Variants in RUFY3 observed in about 807,000 individuals in gnomAD.
RUFY3 encodes the protein protein RUFY3.
A neutral mutation model predicts 84.0 loss-of-function variants in RUFY3; 34 were observed. The observed-to-expected ratio is 0.40, with a 90% confidence interval of 0.31 to 0.54. The LOEUF (loss-of-function observed/expected upper bound fraction) is 0.54. Among genes scored for constraint, RUFY3 ranks in the 20% least tolerant of loss-of-function variants. RUFY3 has a pLI of 0.39. For missense variants in RUFY3, 507 were observed against 736.8 expected (o/e 0.69, Z 3.61); for synonymous variants, 242 against 252.9 (o/e 0.96, Z 0.41).
chr4:70,768,476 C>G, intron 4 of RUFY3, 62 bp from the exon 5 acceptor site: 1 of 1,551,734 alleles, frequency 6.4e-7, no homozygotes, highest in Admixed American at 1.8e-5. Context: ...CCATTTTTGT[C>G]CTTGTCTCTG....
At chr4:70,746,376 G>A (rs1055690093) in intron 1 of RUFY3, among the ~76,000 whole-genome samples, 1 of 151,328 alleles carries the variant, frequency 6.6e-6, no homozygotes, top group African/African-American at 2.4e-5. Context: ...GCATGGTGGC[G>A]GGTGCCTGTA....
At chr4:70,762,759 A>C (rs972686989) in intron 2 of RUFY3, 67 bp downstream of exon 2, 1 of 1,343,108 alleles carries the variant, frequency 7.4e-7, no homozygotes, top group Non-Finnish European at 1.0e-6. Flanking sequence ...CTATAGAAGA[A>C]AGCATTCTTT....
rs114815841 is a variant in RUFY3 at position 70,768,866 on chromosome 4, C to T, written c.696+205C>T. On this transcript the variant is annotated intron_variant, in intron 5 of 17. Transcript: ENST00000381006. ...ATACGTTACGAATGTTTTTTAGATT[C>T]TTGTCTTGGCTGTACTCTCTGTTAA... Among the ~76,000 whole-genome samples, 1,238 of 152,102 alleles carry T rather than the reference C, an allele frequency of 8.1e-3. 16 individuals are homozygous for T. Among genetic ancestry groups the T allele is most frequent in the African/African-American group, 0.028 (1,178 of 41,498 alleles).
intron 1 of RUFY3, among the ~76,000 whole-genome samples, chr4:70,737,867 T>A (rs967781495): frequency 6.6e-6 from 1 of 151,734 alleles, no homozygotes; most frequent in Admixed American, 6.6e-5. Context: ...AGAGACAGGG[T>A]TACACCATGT....
chr4:70,769,996 A>G (rs78122607), intron 5 of RUFY3, among the ~76,000 whole-genome samples: 3,126 of 151,980 alleles, frequency 0.021, 114 homozygotes, highest in East Asian at 0.16. Flanking sequence ...TAATTTTTTT[A>G]TTTATAGTAG....
chr4:70,733,129 GGAGGGAGGGAGA>G (rs1384843377), intron 1 of RUFY3, among the ~76,000 whole-genome samples: 2 of 84,426 alleles, frequency 2.4e-5, no homozygotes, highest in Non-Finnish European at 4.7e-5. Flanking sequence ...AGGGAGGGAG[GGAGGGAGGGAGA>G]GAGAGAGAGA....
rs949322419 is a variant in RUFY3, at chr4:70,803,059, G to C, written c.1650+76G>C. 16 of 1,077,090 alleles carry C rather than the reference G, an allele frequency of 1.5e-5. No individual in the cohort carries two copies. In the South Asian group the frequency reaches 2.0e-4, roughly 14 times the overall value. The allele number at this position is 1,077,090 out of a possible 1,614,324, so 66.7% of individuals were successfully genotyped here. A position where few individuals can be genotyped will look rare whatever the true frequency, so the allele number is the denominator to read the frequency against. Reference sequence around the variant, plus strand: ...TGTACCGTGCCTAGCCAGCAAATAAGGTAGCATGGGCGGAAGATGAGTGAA... The same window carrying C: ...TGTACCGTGCCTAGCCAGCAAATAACGTAGCATGGGCGGAAGATGAGTGAA... On this transcript the variant is annotated intron_variant, in intron 16 of 17. Coordinates refer to ENST00000381006, the MANE Select transcript of RUFY3 (RefSeq NM_001037442.4).
At chr4:70,721,202 C>T (rs1298751779), upstream of RUFY3, among the ~76,000 whole-genome samples, 1 of 151,816 alleles carries the variant, frequency 6.6e-6, no homozygotes, top group South Asian at 2.1e-4. Context: ...ATCCCAGCTA[C>T]TCGGGAGGCT....
intron 1 of RUFY3, among the ~76,000 whole-genome samples, chr4:70,750,201 G>C (rs891654055): frequency 2.0e-5 from 3 of 152,028 alleles, no homozygotes; most frequent in African/African-American, 4.8e-5. Flanking sequence ...TTTATAGTAC[G>C]TAAAAAGAAT....
intron 7 of RUFY3, among the ~76,000 whole-genome samples, chr4:70,775,959 G>GAAAAAAAAAAAAAA (rs962485507): frequency 1.8e-5 from 2 of 110,700 alleles, no homozygotes; most frequent in Non-Finnish European, 3.4e-5. Flanking sequence ...AAAAAAAAAC[G>GAAAAAAAAAAAAAA]AAAAAAAAGA....
chr4:70,803,818 G>A (rs1363186650), intron 16 of RUFY3, among the ~76,000 whole-genome samples: 1 of 151,734 alleles, frequency 6.6e-6, no homozygotes, highest in Non-Finnish European at 1.5e-5. Flanking sequence ...CGCCTCCCAG[G>A]TTCAAGTGAT....
chr4:70,745,997 G>A (rs986976995), intron 1 of RUFY3, among the ~76,000 whole-genome samples: 1 of 152,194 alleles, frequency 6.6e-6, no homozygotes, highest in African/African-American at 2.4e-5. Flanking sequence ...CTGAGATCAC[G>A]CCACTGCACT....
chr4:70,703,958 T>C (rs1045483892), upstream of RUFY3: 1 of 152,158 alleles, frequency 6.6e-6, no homozygotes, highest in Non-Finnish European at 1.5e-5. Flanking sequence ...TAAAGAACCA[T>C]GAGAGTAACT....
At chr4:70,793,965 A>G in intron 13 of RUFY3, 61 bp downstream of exon 13, 1 of 1,572,280 alleles carries the variant, frequency 6.4e-7, no homozygotes. Flanking sequence ...GGTAGACAGC[A>G]AGAAAAGGGG....
chr4:70,706,187 T>G (rs947554574), intron 1 of RUFY3, among the ~76,000 whole-genome samples: 7 of 152,186 alleles, frequency 4.6e-5, no homozygotes, highest in Non-Finnish European at 1.5e-5. Flanking sequence ...AAAATGTGGC[T>G]GACGATACAA....
At chr4:70,739,477 G>C (rs561470938) in intron 1 of RUFY3, among the ~76,000 whole-genome samples, 1 of 152,256 alleles carries the variant, frequency 6.6e-6, no homozygotes, top group African/African-American at 2.4e-5. Context: ...TATATGTGAT[G>C]TGTCTGGGTT....
At chr4:70,788,373 C>A (rs1370076263) in intron 10 of RUFY3, among the ~76,000 whole-genome samples, 1 of 151,996 alleles carries the variant, frequency 6.6e-6, no homozygotes, top group Non-Finnish European at 1.5e-5. Flanking sequence ...CCAGATGGTC[C>A]TCTGGGTTCC....
chr4:70,722,849 T>C, intron 1 of RUFY3, 98 bp downstream of exon 1: 1 of 1,188,782 alleles, frequency 8.4e-7, no homozygotes, highest in Non-Finnish European at 1.2e-6. Flanking sequence ...ACCTACACTC[T>C]CAACTGTTAA....
rs760064794 is a variant in RUFY3, at chr4:70,722,570, C to T, written c.-4C>T. The T allele has an allele frequency of 1.6e-5, 25 of 1,611,256 alleles. No homozygotes were observed. The highest frequency in any genetic ancestry group is 2.0e-5 in the Non-Finnish European group (23 of 1,178,954). ...GTGTGTGTTGTGGTCCCAGCTGAGT[C>T]ATCATGTCTGCTCTGACGCCTCCGA... On this transcript the variant is annotated 5_prime_UTR_variant, in exon 1 of 18. Coordinates refer to ENST00000381006, the MANE Select transcript of RUFY3 (RefSeq NM_001037442.4).
Sources: gnomAD v4.1 joint callset for allele counts (sites outside exome capture counted in the v4.1 genomes callset) on GRCh38, gnomAD v4.1.1 for gene constraint, MANE v1.5 for transcripts, NCBI Gene and HGNC (gene_info 2026-07-23, HGNC 2026-07-21) for gene names.